Variants in PRKAR1B observed in about 807,000 individuals in gnomAD.
The protein encoded by PRKAR1B is cAMP-dependent protein kinase type I-beta regulatory subunit.
In PRKAR1B, 22 loss-of-function variants were observed where a neutral mutation model predicts 46.5. The ratio of observed to expected loss-of-function variants is 0.47; its 90% CI spans 0.34 to 0.68. PRKAR1B has a LOEUF of 0.68. Among genes scored for constraint, PRKAR1B ranks in the 30% least tolerant of loss-of-function variants. The pLI, the probability that PRKAR1B is intolerant of heterozygous loss-of-function variation, is 0.01. For synonymous variants in PRKAR1B, 259 were observed against 217.7 expected (o/e 1.19, Z -1.67); for missense variants, 445 against 535.6 (o/e 0.83, Z 1.67).
At chr7:562,383 C>T (rs1462485712) in intron 9 of PRKAR1B, among the ~76,000 whole-genome samples, 1 of 152,192 alleles carries the variant, frequency 6.6e-6, no homozygotes, top group African/African-American at 2.4e-5. Context: ...CCTCCAGCTC[C>T]ACAGGCCCAG....
intron 6 of PRKAR1B, among the ~76,000 whole-genome samples, chr7:599,375 G>A (rs374040645): frequency 5.3e-5 from 8 of 151,408 alleles, no homozygotes; most frequent in East Asian, 1.9e-4. Flanking sequence ...TCGGCTCACC[G>A]CAACCTCTGC....
intron 7 of PRKAR1B, among the ~76,000 whole-genome samples, chr7:591,852 G>A (rs1780994553): frequency 6.6e-6 from 1 of 152,164 alleles, no homozygotes; most frequent in East Asian, 1.9e-4. Flanking sequence ...GCCAGGAGGA[G>A]CAGATTCACA....
intron 1 of PRKAR1B, chr7:712,518 C>T (rs1189867640): frequency 6.8e-6 from 1 of 146,518 alleles, no homozygotes; most frequent in East Asian, 2.0e-4. Context: ...GCGGCGCCGC[C>T]CTCCACGCCC....
chr7:699,363 T>G (rs377236598), intron 2 of PRKAR1B, among the ~76,000 whole-genome samples: 2 of 152,206 alleles, frequency 1.3e-5, no homozygotes, highest in East Asian at 3.9e-4. Context: ...TGGGAGGCAC[T>G]GAGTCCCAAA....
intron 9 of PRKAR1B, among the ~76,000 whole-genome samples, chr7:565,807 C>G (rs542725825): frequency 2.0e-5 from 3 of 152,240 alleles, no homozygotes; most frequent in African/African-American, 7.2e-5. Context: ...AGCTGGGTGG[C>G]TAAGGACATG....
intron 4 of PRKAR1B, among the ~76,000 whole-genome samples, chr7:615,142 A>G (rs930938366): frequency 4.6e-5 from 7 of 151,794 alleles, no homozygotes; most frequent in Non-Finnish European, 1.0e-4. Flanking sequence ...AGAGAGAAAG[A>G]AGGCCAGGTG....
chr7:571,999 A>G (rs926217625), intron 9 of PRKAR1B, among the ~76,000 whole-genome samples: 5 of 152,150 alleles, frequency 3.3e-5, no homozygotes, highest in Non-Finnish European at 5.9e-5. Flanking sequence ...TTCTGCTCCC[A>G]TTGCCACAGG....
chr7:594,593 G>A (rs773618483), intron 7 of PRKAR1B, among the ~76,000 whole-genome samples: 1 of 152,118 alleles, frequency 6.6e-6, no homozygotes, highest in Non-Finnish European at 1.5e-5. Context: ...GGGACAGAAG[G>A]AGCTGAGGAG....
chr7:597,965 T>TCTTCC (rs1781360589), intron 6 of PRKAR1B, among the ~76,000 whole-genome samples: 1 of 152,204 alleles, frequency 6.6e-6, no homozygotes, highest in East Asian at 1.9e-4. Flanking sequence ...CCCAGGGGAC[T>TCTTCC]CTTCCCCAGA....
chr7:700,358 AAAAC>A (rs574236677), intron 2 of PRKAR1B, among the ~76,000 whole-genome samples: 89 of 152,358 alleles, frequency 5.8e-4, no homozygotes, highest in African/African-American at 1.6e-3. Flanking sequence ...ATTTCCTGCC[AAAAC>A]AAACAAAAAT....
intron 4 of PRKAR1B, among the ~76,000 whole-genome samples, chr7:647,553 TC>T (rs377677087): frequency 6.6e-5 from 10 of 152,180 alleles, no homozygotes; most frequent in African/African-American, 2.4e-4. Flanking sequence ...ATGCCTGTAA[TC>T]CCAGCACTTT....
chr7:660,911 C>A (rs1785503999), intron 4 of PRKAR1B, among the ~76,000 whole-genome samples: 1 of 134,282 alleles, frequency 7.4e-6, no homozygotes, highest in Non-Finnish European at 1.6e-5. Context: ...ACCTACTCTC[C>A]CCCCATGGCA....
intron 4 of PRKAR1B, among the ~76,000 whole-genome samples, chr7:671,985 A>G (rs1786280239): frequency 6.6e-6 from 1 of 152,092 alleles, no homozygotes; most frequent in Admixed American, 6.6e-5. Flanking sequence ...CACCATCTCT[A>G]AAAATGTATG....
intron 4 of PRKAR1B, among the ~76,000 whole-genome samples, chr7:612,265 C>T (rs1486936936): frequency 1.6e-5 from 2 of 124,884 alleles, no homozygotes; most frequent in African/African-American, 3.1e-5. Flanking sequence ...AGTAGATCAA[C>T]GGATGGATGG....
intron 4 of PRKAR1B, among the ~76,000 whole-genome samples, chr7:658,570 C>T (rs1785330692): frequency 6.6e-6 from 1 of 152,198 alleles, no homozygotes; most frequent in South Asian, 2.1e-4. Flanking sequence ...TGAACATGAC[C>T]TTGTGCTATG....
intron 9 of PRKAR1B, among the ~76,000 whole-genome samples, chr7:556,421 C>T (rs935721001): frequency 1.3e-5 from 2 of 151,080 alleles, no homozygotes; most frequent in African/African-American, 2.4e-5. Context: ...CAACCGGCGG[C>T]CTTCGGATAA....
chr7:712,850 C>T (rs36152348), intron 1 of PRKAR1B: 3 of 152,078 alleles, frequency 2.0e-5, no homozygotes, highest in African/African-American at 7.3e-5. Context: ...CTGCTCACAC[C>T]TAGGGGATCA....
intron 1 of PRKAR1B, among the ~76,000 whole-genome samples, chr7:715,931 G>T (rs543090051): frequency 1.3e-5 from 2 of 152,132 alleles, no homozygotes; most frequent in African/African-American, 2.4e-5. Flanking sequence ...TAGCCAGGAT[G>T]GTCTCGGTCT....
intron 2 of PRKAR1B, among the ~76,000 whole-genome samples, chr7:684,868 T>TCACACAGACACA (rs983202660): frequency 9.9e-5 from 13 of 130,872 alleles, no homozygotes; most frequent in East Asian, 7.2e-4. Flanking sequence ...TCCACCCACT[T>TCACACAGACACA]CACACAGACA....
Sources: allele counts gnomAD v4.1 joint callset (sites outside exome capture counted in the v4.1 genomes callset), GRCh38; gene constraint gnomAD v4.1.1; transcripts MANE v1.5; gene names NCBI Gene and HGNC (gene_info 2026-07-23, HGNC 2026-07-21).